The following CAMK1D variants were observed in gnomAD, a reference collection of about 807,000 sequenced individuals.
CAMK1D encodes the protein calcium/calmodulin-dependent protein kinase type 1D.
A neutral mutation model predicts 47.7 loss-of-function variants in CAMK1D; 9 were observed. The observed-to-expected ratio is 0.19, with a 90% CI of 0.11 to 0.33. The LOEUF (loss-of-function observed/expected upper bound fraction) is 0.33. CAMK1D is among the 10% of genes least tolerant of loss of function. The pLI is 1.00. For missense variants in CAMK1D, 291 were observed against 488.7 expected, an observed-to-expected ratio of 0.60 and a Z score of 3.81; for synonymous variants, 184 against 184.9, an observed-to-expected ratio of 0.99 and a Z score of 0.04.
At chr10:12,376,743 T>G (rs1838193592) in intron 1 of CAMK1D, among the ~76,000 whole-genome samples, 1 of 150,606 alleles carries the variant, frequency 6.6e-6, no homozygotes, top group Non-Finnish European at 1.5e-5. Flanking sequence ...AGTAACCATT[T>G]TTTTTCTTTT....
intron 1 of CAMK1D, among the ~76,000 whole-genome samples, chr10:12,350,672 C>T (rs1837327404): frequency 1.3e-5 from 2 of 152,238 alleles, no homozygotes; most frequent in African/African-American, 4.8e-5. Context: ...ATGTGCTGCT[C>T]AGCTCAGCTG....
At chr10:12,697,680 T>C (rs187686892) in intron 3 of CAMK1D, among the ~76,000 whole-genome samples, 205 of 152,332 alleles carry the variant, frequency 1.3e-3, no homozygotes, top group Admixed American at 3.7e-3. Flanking sequence ...ATTGCAGGCG[T>C]GAGCCACTCC....
chr10:12,491,898 T>A (rs1194657001), intron 1 of CAMK1D, among the ~76,000 whole-genome samples: 1 of 152,194 alleles, frequency 6.6e-6, no homozygotes, highest in Non-Finnish European at 1.5e-5. Context: ...GTGATTCTCC[T>A]GCCTCAGTCT....
chr10:12,508,692 G>A (rs927606496), intron 1 of CAMK1D, among the ~76,000 whole-genome samples: 1 of 152,092 alleles, frequency 6.6e-6, no homozygotes, highest in African/African-American at 2.4e-5. Context: ...GCAAACACAT[G>A]GGTCTCCTCC....
chr10:12,615,865 T>A (rs997909991), intron 2 of CAMK1D, among the ~76,000 whole-genome samples: 1 of 32,588 alleles, frequency 3.1e-5, no homozygotes, highest in Non-Finnish European at 5.2e-4. Context: ...TGTGTATGCA[T>A]GTATGTGTAT....
intron 1 of CAMK1D, among the ~76,000 whole-genome samples, chr10:12,448,396 A>G (rs1402677850): frequency 2.0e-5 from 3 of 147,088 alleles, no homozygotes; most frequent in African/African-American, 7.6e-5. Context: ...TTGTTTCTCT[A>G]TATTGCCCAG....
chr10:12,625,165 C>T (rs554186110), intron 2 of CAMK1D, among the ~76,000 whole-genome samples: 7 of 151,764 alleles, frequency 4.6e-5, no homozygotes, highest in South Asian at 2.1e-4. Flanking sequence ...GATAAAACCC[C>T]GTCTCTATTA....
At chr10:12,772,363 C>T (rs558001550) in intron 5 of CAMK1D, among the ~76,000 whole-genome samples, 1 of 152,166 alleles carries the variant, frequency 6.6e-6, no homozygotes, top group East Asian at 1.9e-4. Flanking sequence ...CAGCAGTCTC[C>T]CCAGGCTGAG....
chr10:12,393,843 A>C (rs974697971), intron 1 of CAMK1D, among the ~76,000 whole-genome samples: 3 of 152,214 alleles, frequency 2.0e-5, no homozygotes, highest in Admixed American at 6.5e-5. Context: ...GGAAAATGGC[A>C]GCTTACGCTC....
chr10:12,612,895 G>A (rs1056278450), intron 2 of CAMK1D, among the ~76,000 whole-genome samples: 4 of 152,114 alleles, frequency 2.6e-5, no homozygotes, highest in African/African-American at 9.7e-5. Flanking sequence ...ACGTGGTCTT[G>A]TAAAGCAAAT....
intron 2 of CAMK1D, among the ~76,000 whole-genome samples, chr10:12,626,393 C>G (rs1020427063): frequency 2.6e-5 from 4 of 152,052 alleles, no homozygotes; most frequent in Non-Finnish European, 4.4e-5. Context: ...TCCTTCCCAG[C>G]TCTTTGATTC....
intron 5 of CAMK1D, among the ~76,000 whole-genome samples, chr10:12,771,385 G>A (rs776194555): frequency 5.3e-5 from 8 of 152,320 alleles, no homozygotes; most frequent in Admixed American, 1.3e-4. Flanking sequence ...GAGGAGAGCC[G>A]GCCTCAAACT....
At chr10:12,494,979 G>C (rs1834493722) in intron 1 of CAMK1D, among the ~76,000 whole-genome samples, 1 of 152,186 alleles carries the variant, frequency 6.6e-6, no homozygotes, top group Non-Finnish European at 1.5e-5. Flanking sequence ...TTCTAAACGA[G>C]ATCACTGCGG....
At chr10:12,645,972 T>G (rs1019789275) in intron 2 of CAMK1D, among the ~76,000 whole-genome samples, 1 of 68,806 alleles carries the variant, frequency 1.5e-5, no homozygotes, top group Non-Finnish European at 3.6e-5. Flanking sequence ...GGCTAGTTGT[T>G]TTTTTTTTTT....
chr10:12,823,974 G>C (rs1312178107), intron 8 of CAMK1D, among the ~76,000 whole-genome samples: 1 of 151,996 alleles, frequency 6.6e-6, no homozygotes, highest in Non-Finnish European at 1.5e-5. Context: ...AGACAGAGAG[G>C]AGGGACCTCG....
At chr10:12,827,327 T>C (rs1833260368) in intron 10 of CAMK1D, among the ~76,000 whole-genome samples, 1 of 85,126 alleles carries the variant, frequency 1.2e-5, no homozygotes, top group Admixed American at 1.3e-4. Context: ...TTTCTTTCTC[T>C]CTCTTCTCTT....
chr10:12,810,495 G>C (rs1032593986), intron 6 of CAMK1D, among the ~76,000 whole-genome samples: 1 of 152,090 alleles, frequency 6.6e-6, no homozygotes, highest in Non-Finnish European at 1.5e-5. Flanking sequence ...GGCTGGTCTC[G>C]AACTCCTGAC....
At chr10:12,795,066 G>GT (rs1209194002) in intron 6 of CAMK1D, among the ~76,000 whole-genome samples, 5 of 152,144 alleles carry the variant, frequency 3.3e-5, no homozygotes, top group Admixed American at 6.5e-5. Context: ...GTTTGAGGCT[G>GT]GGGGTCTGAT....
At chr10:12,626,475 C>CT (rs35033817) in intron 2 of CAMK1D, among the ~76,000 whole-genome samples, 49,117 of 136,228 alleles carry the variant, frequency 0.36, 10,867 homozygotes, top group East Asian at 0.55. Flanking sequence ...TTCTTTCTTT[C>CT]TTTTTTTTTT....
Sources: gnomAD v4.1 joint callset for allele counts (sites outside exome capture counted in the v4.1 genomes callset) on GRCh38, gnomAD v4.1.1 for gene constraint, MANE v1.5 for transcripts, NCBI Gene and HGNC (gene_info 2026-07-23, HGNC 2026-07-21) for gene names.